GRIK1: variants seen among roughly 807,000 people sequenced by gnomAD.
GRIK1 encodes glutamate ionotropic receptor kainate type subunit 1.
GRIK1 carries 69 observed loss-of-function variants against 105.7 expected under a neutral mutation model. The observed-to-expected ratio is 0.65, with a 90% CI of 0.54 to 0.80. The LOEUF is 0.80. Ranked by LOEUF, GRIK1 falls within the 30% of genes least tolerant of loss-of-function variation. The probability of loss-of-function intolerance (pLI) is 0.00; values close to 1 mark genes in which losing one functional copy is unlikely to be tolerated. For missense variants in GRIK1, 1,109 were observed against 1,167.3 expected, an observed-to-expected ratio of 0.95 and a Z score of 0.73; for synonymous variants, 438 against 431.3, an observed-to-expected ratio of 1.02 and a Z score of -0.19.
intron 7 of GRIK1, among the ~76,000 whole-genome samples, chr21:29,603,313 C>G (rs1290251188): frequency 6.6e-6 from 1 of 151,764 alleles, no homozygotes; most frequent in Admixed American, 6.6e-5. Flanking sequence ...CGATGGCAAA[C>G]TAGATGTTGC....
intron 1 of GRIK1, among the ~76,000 whole-genome samples, chr21:29,876,209 T>C (rs1015106142): frequency 2.0e-5 from 3 of 151,990 alleles, no homozygotes; most frequent in African/African-American, 7.3e-5. Context: ...CTAGTTTTTT[T>C]AATATAAAAA....
intron 1 of GRIK1, among the ~76,000 whole-genome samples, chr21:29,784,209 G>T (rs906363539): frequency 1.3e-5 from 2 of 152,150 alleles, no homozygotes; most frequent in Non-Finnish European, 2.9e-5. Context: ...ATAGTCTCAC[G>T]TTGATGGATG....
chr21:29,679,402 G>A (rs746515181), intron 3 of GRIK1, among the ~76,000 whole-genome samples: 8 of 152,136 alleles, frequency 5.3e-5, no homozygotes, highest in Non-Finnish European at 1.0e-4. Context: ...TTCAGGGCTA[G>A]AGGCATCTGT....
intron 7 of GRIK1, among the ~76,000 whole-genome samples, chr21:29,636,014 A>G (rs144965362): frequency 6.6e-6 from 1 of 152,242 alleles, no homozygotes; most frequent in African/African-American, 2.4e-5. Context: ...ACCATCTTAA[A>G]CTGTCTGCTA....
intron 1 of GRIK1, among the ~76,000 whole-genome samples, chr21:29,789,365 A>G (rs2066348834): frequency 1.3e-5 from 2 of 151,506 alleles, no homozygotes; most frequent in African/African-American, 4.8e-5. Context: ...ATTAAGTTTC[A>G]CTCTTCACCA....
intron 15 of GRIK1, among the ~76,000 whole-genome samples, chr21:29,560,354 TCTTTTTCTTTCTTC>T (rs2090387903): frequency 6.8e-5 from 7 of 103,360 alleles, no homozygotes; most frequent in Admixed American, 1.0e-4. Context: ...TTTCTTTCTT[TCTTTTTCTTTCTTC>T]CTTCCTTCCT....
At chr21:29,752,819 C>G (rs1263255814) in intron 1 of GRIK1, among the ~76,000 whole-genome samples, 1 of 152,172 alleles carries the variant, frequency 6.6e-6, no homozygotes, top group African/African-American at 2.4e-5. Context: ...CTTTGGATGA[C>G]AGAGTGAGGC....
intron 1 of GRIK1, among the ~76,000 whole-genome samples, chr21:29,925,796 T>G (rs1394051065): frequency 6.6e-6 from 1 of 152,200 alleles, no homozygotes; most frequent in African/African-American, 2.4e-5. Flanking sequence ...GTGGGCTGCC[T>G]TCCTGATTTT....
At chr21:29,910,594 A>G (rs192816201) in intron 1 of GRIK1, among the ~76,000 whole-genome samples, 42 of 152,272 alleles carry the variant, frequency 2.8e-4, no homozygotes, top group Non-Finnish European at 5.4e-4. Flanking sequence ...TTGATGTCTA[A>G]ATAGCTAGAG....
At chr21:29,730,648 T>C (rs2064594179) in intron 1 of GRIK1, among the ~76,000 whole-genome samples, 1 of 152,202 alleles carries the variant, frequency 6.6e-6, no homozygotes, top group South Asian at 2.1e-4. Flanking sequence ...CTTCTAGTTT[T>C]ATTAGCTTCT....
chr21:29,646,865 G>A (rs76466688), intron 6 of GRIK1, among the ~76,000 whole-genome samples: 1 of 147,442 alleles, frequency 6.8e-6, no homozygotes, highest in Non-Finnish European at 1.5e-5. Flanking sequence ...TTTTTTTTTA[G>A]AAGGAGTCTT....
At position 29,893,055 on chromosome 21, in the gene GRIK1, C is replaced by T. The variant is rs562630564; in HGVS notation, c.118+46328G>A. ...GGCATGGTGACACACGCCTATAGTT[C>T]CTACTTTTATTATAATATAAAATAA... is the stretch of plus-strand genomic sequence containing the variant. On this transcript the variant is annotated intron_variant, in intron 1 of 17. Coordinates refer to ENST00000327783, the MANE Select transcript of GRIK1 (RefSeq NM_001330994.2). Among the ~76,000 whole-genome samples, 12 of 152,196 alleles carry T rather than the reference C, an allele frequency of 7.9e-5. No homozygotes were observed. The South Asian group carries it at 2.3e-3, about 29-fold the overall frequency.
At chr21:29,729,116 C>T (rs2146889856) in intron 1 of GRIK1, among the ~76,000 whole-genome samples, 1 of 152,254 alleles carries the variant, frequency 6.6e-6, no homozygotes, top group East Asian at 1.9e-4. Context: ...ATCCCATTCC[C>T]CAAAGCTTCC....
At chr21:29,930,912 A>C (rs1382420527) in intron 1 of GRIK1, among the ~76,000 whole-genome samples, 1 of 152,204 alleles carries the variant, frequency 6.6e-6, no homozygotes, top group East Asian at 1.9e-4. Context: ...CCCTTGATAC[A>C]GTTGCAGATC....
intron 15 of GRIK1, among the ~76,000 whole-genome samples, chr21:29,560,517 TTC>T (rs1298238133): frequency 0.018 from 1,044 of 58,124 alleles, 150 homozygotes; most frequent in African/African-American, 0.044. Flanking sequence ...CCTTCCTTCC[TTC>T]CTTTCTTTCT....
chr21:29,814,446 C>G (rs909932532), intron 1 of GRIK1, among the ~76,000 whole-genome samples: 6 of 152,040 alleles, frequency 3.9e-5, no homozygotes, highest in African/African-American at 1.4e-4. Context: ...AGATATCCTA[C>G]TGTTCCCACG....
intron 1 of GRIK1, among the ~76,000 whole-genome samples, chr21:29,700,455 A>G (rs1343648811): frequency 6.6e-6 from 1 of 152,186 alleles, no homozygotes; most frequent in Admixed American, 6.5e-5. Flanking sequence ...GCTATTCGTG[A>G]AGACACCCAA....
chr21:29,735,702 G>T (rs892172251), intron 1 of GRIK1, among the ~76,000 whole-genome samples: 2 of 151,960 alleles, frequency 1.3e-5, no homozygotes, highest in East Asian at 3.9e-4. Flanking sequence ...TTTGAGACCA[G>T]CCTGACCAAT....
chr21:29,588,945 T>C lies in GRIK1; in HGVS notation c.1463A>G (p.Asn488Ser), dbSNP rs1224516973. 1.2e-6 allele frequency: 2 copies of C among 1,603,694 alleles called. No individual in the cohort carries two copies. Among genetic ancestry groups the C allele is most frequent in the Non-Finnish European group, 1.7e-6 (2 of 1,170,554 alleles). ...AACATCATAAATGAAACCCAGGATG[T>C]TTGACAATTCTTTCAACAGGTCTAG... is the stretch of plus-strand genomic sequence containing the variant. ...YCLDLLKELSNILGFIYDVKL... is the reference protein window; with the variant it reads ...YCLDLLKELSSILGFIYDVKL... The change falls in exon 11 of 18, where the codon AAC becomes AGC. Residue 488 changes from asparagine (N) to serine (S), a missense_variant. Asn to Ser is a conservative substitution (Grantham distance 46, BLOSUM62 1). Transcript: ENST00000327783.
Sources: gnomAD v4.1 joint callset for allele counts (sites outside exome capture counted in the v4.1 genomes callset) on GRCh38, gnomAD v4.1.1 for gene constraint, MANE v1.5 for transcripts, NCBI Gene and HGNC (gene_info 2026-07-23, HGNC 2026-07-21) for gene names.